The following RABL3 variants were observed in gnomAD, a reference collection of about 807,000 sequenced individuals.
RABL3 encodes the protein rab-like protein 3.
A neutral mutation model predicts 31.8 loss-of-function variants in RABL3; 31 were observed. The ratio of observed to expected loss-of-function variants is 0.97; its 90% CI spans 0.73 to 1.31. The LOEUF is 1.31. Ranked by LOEUF, RABL3 falls within the 40% of genes most tolerant of loss-of-function variation. The probability of loss-of-function intolerance (pLI) is 0.00; values close to 1 mark genes in which losing one functional copy is unlikely to be tolerated. For missense variants in RABL3, 263 were observed against 279.6 expected, an observed-to-expected ratio of 0.94 and a Z score of 0.42; for synonymous variants, 97 against 99.9, an observed-to-expected ratio of 0.97 and a Z score of 0.18.
chr3:120,694,945 G>A (rs1376905236), intron 5 of RABL3, among the ~76,000 whole-genome samples: 1 of 150,088 alleles, frequency 6.7e-6, no homozygotes, highest in East Asian at 1.9e-4. Flanking sequence ...CTATCCGCTG[G>A]AATTCCAGTC....
intron 2 of RABL3, among the ~76,000 whole-genome samples, chr3:120,720,632 A>G (rs1333776446): frequency 2.0e-5 from 3 of 152,260 alleles, no homozygotes; most frequent in Non-Finnish European, 2.9e-5. Context: ...ATAATTTTAG[A>G]GAAAAAAGAA....
chr3:120,720,702 T>C (rs895499106), intron 2 of RABL3, among the ~76,000 whole-genome samples: 1 of 152,196 alleles, frequency 6.6e-6, no homozygotes, highest in Non-Finnish European at 1.5e-5. Flanking sequence ...ACCAAATCTA[T>C]GTCTGACTGG....
chr3:120,711,567 C>T (rs1708613003), intron 2 of RABL3, among the ~76,000 whole-genome samples: 1 of 152,066 alleles, frequency 6.6e-6, no homozygotes, highest in Non-Finnish European at 1.5e-5. Context: ...TTGCTCAAAA[C>T]CCTCCAATGA....
At chr3:120,716,718 G>A (rs182148228) in intron 2 of RABL3, among the ~76,000 whole-genome samples, 20 of 151,946 alleles carry the variant, frequency 1.3e-4, no homozygotes, top group African/African-American at 4.1e-4. Context: ...AGATCCCTTC[G>A]CACAGGTTTC....
At chr3:120,724,041 C>T (rs1708784139) in intron 2 of RABL3, among the ~76,000 whole-genome samples, 2 of 152,212 alleles carry the variant, frequency 1.3e-5, no homozygotes, top group African/African-American at 4.8e-5. Context: ...ATAGTATATC[C>T]AGAAAACCCC....
intron 2 of RABL3, among the ~76,000 whole-genome samples, chr3:120,712,213 G>T (rs778399375): frequency 3.5e-4 from 54 of 152,172 alleles, no homozygotes; most frequent in Non-Finnish European, 6.9e-4. Context: ...TTGACATTAA[G>T]AAGACAATTA....
chr3:120,718,223 TC>T (rs1379417698), intron 2 of RABL3, among the ~76,000 whole-genome samples: 2 of 152,190 alleles, frequency 1.3e-5, no homozygotes, highest in Admixed American at 6.5e-5. Context: ...ACACAACTTC[TC>T]CTTATGTCCT....
chr3:120,698,021 G>A (rs925528750), intron 5 of RABL3, among the ~76,000 whole-genome samples: 4 of 152,062 alleles, frequency 2.6e-5, no homozygotes, highest in Non-Finnish European at 4.4e-5. Context: ...AAAATTAGCT[G>A]GACATGGTGG....
chr3:120,727,143 GAAAGTA>G (rs1708831695), intron 2 of RABL3, among the ~76,000 whole-genome samples: 1 of 152,044 alleles, frequency 6.6e-6, no homozygotes, highest in Admixed American at 6.5e-5. Flanking sequence ...TAAACCCAAA[GAAAGTA>G]TGTTCATAAA....
rs1559809369 is a variant in RABL3, at chr3:120,689,862, T to A, written c.672A>T (p.Arg224Ser). ...NQIPGFPDRKRFGAGTLKSLH... is the reference protein window; with the variant it reads ...NQIPGFPDRKSFGAGTLKSLH... ...GGCTCTTTAATGTTCCTGCCCCAAA[T>A]CTTTTCCGATCAGGAAAGCCTGGAA... The change falls in exon 8 of 8, where the codon AGA (arginine) becomes AGT (serine). Residue 224 changes from arginine to serine, a missense_variant. Transcript: ENST00000273375. The A allele has an allele frequency of 1.2e-6, 2 of 1,613,106 alleles. No homozygotes were observed. Among genetic ancestry groups the A allele is most frequent in the Non-Finnish European group, 1.7e-6 (2 of 1,179,360 alleles).
intron 2 of RABL3, among the ~76,000 whole-genome samples, chr3:120,715,167 A>G (rs921680091): frequency 6.6e-6 from 1 of 152,122 alleles, no homozygotes; most frequent in Non-Finnish European, 1.5e-5. Flanking sequence ...GGATAATTTT[A>G]CACTTACTTT....
rs556424979 is a variant in RABL3 at position 120,686,731 on chromosome 3, A to T, written c.*3092T>A. 1.3e-5 allele frequency: 2 copies of T among 152,248 alleles called. No individual in the cohort carries two copies. Among genetic ancestry groups the T allele is most frequent in the Non-Finnish European group, 2.9e-5 (2 of 68,044 alleles). The allele number at this position is 152,248 out of a possible 1,614,324, so 9.4% of individuals were successfully genotyped here. A position where few individuals can be genotyped will look rare whatever the true frequency, so the allele number is the denominator to read the frequency against. On this transcript the variant is annotated 3_prime_UTR_variant, in exon 8 of 8. Coordinates refer to ENST00000273375, the MANE Select transcript of RABL3 (RefSeq NM_173825.5). ...TTTACTGTAAGTTTTACATGACAGG[A>T]ATCTTCAGAAATGAAGACAAAAAAG... is the stretch of plus-strand genomic sequence containing the variant.
intron 2 of RABL3, among the ~76,000 whole-genome samples, chr3:120,713,016 A>G (rs1351315546): frequency 6.6e-6 from 1 of 152,064 alleles, no homozygotes; most frequent in East Asian, 1.9e-4. Flanking sequence ...AAGTTTGGCA[A>G]CCACTGCAGT....
intron 4 of RABL3, among the ~76,000 whole-genome samples, chr3:120,700,894 TAAAA>T (rs201857708): frequency 1.3e-5 from 2 of 152,016 alleles, no homozygotes; most frequent in African/African-American, 2.4e-5. Flanking sequence ...AATAAAAAGT[TAAAA>T]AAAGTTATTG....
rs576203174 is a variant in RABL3, at chr3:120,742,501, A to T, written c.7T>A (p.Ser3Thr). The T allele has an allele frequency of 5.6e-6, 9 of 1,614,128 alleles. No homozygotes were observed. The highest frequency in any genetic ancestry group is 2.2e-5 in the East Asian group (1 of 44,876). Residue 3 changes from serine to threonine, a missense_variant, in exon 1 of 8, where the codon TCC becomes ACC. Transcript: ENST00000273375. Reference protein sequence around the residue: MASLDRVKVLVLG... With the variant: MATLDRVKVLVLG... ...ACCAGTACCTTCACCCGATCCAGGG[A>T]CGCCATCTTGCCACTGCCTTCCCTG...
rs374770156 is a variant in RABL3 at position 120,689,858 on chromosome 3, C to T, written c.676G>A (p.Gly226Arg). Residue 226 changes from glycine (G) to arginine (R), a missense_variant, in exon 8 of 8, where the codon GGG (glycine) becomes AGG (arginine). Coordinates refer to ENST00000273375, the MANE Select transcript of RABL3 (RefSeq NM_173825.5). ...IPGFPDRKRF[G>R]AGTLKSLHYD ...TGAAGGCTCTTTAATGTTCCTGCCC[C>T]AAATCTTTTCCGATCAGGAAAGCCT... is the stretch of plus-strand genomic sequence containing the variant. 3.8e-5 allele frequency: 62 copies of T among 1,613,052 alleles called. No homozygotes were observed. The highest frequency in any genetic ancestry group is 4.9e-5 in the Non-Finnish European group (58 of 1,179,342).
intron 1 of RABL3, among the ~76,000 whole-genome samples, chr3:120,733,344 G>C (rs183022595): frequency 0.011 from 1,660 of 152,066 alleles, 38 homozygotes; most frequent in African/African-American, 0.037. Context: ...TGTGTCTTTT[G>C]GCTGCATAAA....
intron 1 of RABL3, among the ~76,000 whole-genome samples, chr3:120,733,420 T>G (rs942173983): frequency 3.3e-5 from 5 of 152,036 alleles, no homozygotes; most frequent in Non-Finnish European, 5.9e-5. Context: ...GTTTTTTTCT[T>G]GTAAATTTGT....
At chr3:120,705,893 A>G in intron 4 of RABL3, 107 bp downstream of exon 4, 1 of 738,906 alleles carries the variant, frequency 1.4e-6, no homozygotes, top group Non-Finnish European at 2.4e-6. Context: ...TAATCTATAC[A>G]CTGAAAGAAA....
Sources: allele counts gnomAD v4.1 joint callset (sites outside exome capture counted in the v4.1 genomes callset), GRCh38; gene constraint gnomAD v4.1.1; transcripts MANE v1.5; gene names NCBI Gene and HGNC (gene_info 2026-07-23, HGNC 2026-07-21).